LRGUK: variants seen among roughly 807,000 people sequenced by gnomAD.
LRGUK encodes leucine rich repeats and guanylate kinase domain containing.
LRGUK carries 65 observed loss-of-function variants against 76.0 expected under a neutral mutation model. That is an observed-to-expected ratio of 0.85 (90% CI 0.70 to 1.05). The LOEUF (loss-of-function observed/expected upper bound fraction) is 1.05, where lower values mean the gene tolerates loss of function less well. LRGUK is among the 50% of genes least tolerant of loss of function. The pLI, the probability that LRGUK is intolerant of heterozygous loss-of-function variation, is 0.00. For synonymous variants in LRGUK, 268 were observed against 265.6 expected, an observed-to-expected ratio of 1.01 and a Z score of -0.09; for missense variants, 758 against 732.8, an observed-to-expected ratio of 1.03 and a Z score of -0.40.
At chr7:134,129,917 C>T (rs942143603) in intron 1 of LRGUK, among the ~76,000 whole-genome samples, 10 of 152,212 alleles carry the variant, frequency 6.6e-5, no homozygotes, top group African/African-American at 2.2e-4. Flanking sequence ...AACTCCTTTC[C>T]TCATTTGTCT....
At chr7:134,220,593 C>A (rs1015967744) in intron 15 of LRGUK, among the ~76,000 whole-genome samples, 1 of 128,320 alleles carries the variant, frequency 7.8e-6, no homozygotes, top group Admixed American at 7.9e-5. Flanking sequence ...TTTTTTTTTT[C>A]TTTTGTCGTT....
At chr7:134,251,784 C>A (rs1802452923) in intron 18 of LRGUK, among the ~76,000 whole-genome samples, 1 of 152,158 alleles carries the variant, frequency 6.6e-6, no homozygotes, top group African/African-American at 2.4e-5. Context: ...ATAAATGCAT[C>A]TACTGCTATA....
chr7:134,217,951 T>G (rs891189344), intron 15 of LRGUK, among the ~76,000 whole-genome samples: 2 of 152,116 alleles, frequency 1.3e-5, no homozygotes, highest in African/African-American at 2.4e-5. Flanking sequence ...CTATATGGTT[T>G]TGTTGTTGCT....
At chr7:134,223,666 C>T (rs568030901) in intron 16 of LRGUK, among the ~76,000 whole-genome samples, 10 of 152,296 alleles carry the variant, frequency 6.6e-5, no homozygotes, top group African/African-American at 2.4e-4. Context: ...GGCCTCTAGC[C>T]TCATAACCAC....
At chr7:134,272,870 T>TATTC in the LRGUK span, among the ~76,000 whole-genome samples, 15 of 152,214 alleles carry the variant, frequency 9.9e-5, no homozygotes, top group Non-Finnish European at 1.9e-4. Context: ...GAATTAATCT[T>TATTC]ATTCTCAGTC....
intron 5 of LRGUK, among the ~76,000 whole-genome samples, chr7:134,151,077 A>G (rs1324401408): frequency 6.6e-6 from 1 of 152,200 alleles, no homozygotes; most frequent in South Asian, 2.1e-4. Flanking sequence ...CATGAAATAT[A>G]CTTCTTTCTC....
intron 19 of LRGUK, 79 bp downstream of exon 19, chr7:134,258,484 C>T (rs375162722): frequency 2.4e-4 from 333 of 1,370,720 alleles, no homozygotes; most frequent in Non-Finnish European, 3.1e-4. Context: ...GATCTCCTGA[C>T]GTCAGGAGTT....
chr7:134,270,060 A>G, the LRGUK span, among the ~76,000 whole-genome samples: 5 of 152,200 alleles, frequency 3.3e-5, no homozygotes, highest in African/African-American at 7.2e-5. Flanking sequence ...CTCATCACTC[A>G]TTTAACATAG....
chr7:134,257,337 AAGGTT>A lies in LRGUK; in HGVS notation c.2199-919_2199-915del, dbSNP rs1393670458. ...CACAGTGGTAGAAGTGCCTGTAAAC[AAGGTT>A]CAGCTGCTTGCCAGGGCTTTGCAGG... is the stretch of plus-strand genomic sequence containing the variant. On this transcript the variant is annotated intron_variant, in intron 18 of 19. Transcript: ENST00000285928. Among the ~76,000 whole-genome samples the A allele has an allele frequency of 2.0e-5, 3 of 152,180 alleles. No homozygotes were observed. In the East Asian group the frequency reaches 5.8e-4, roughly 29 times the overall value.
intron 15 of LRGUK, among the ~76,000 whole-genome samples, chr7:134,216,580 A>G (rs758713598): frequency 1.2e-4 from 18 of 152,220 alleles, no homozygotes; most frequent in Non-Finnish European, 2.5e-4. Flanking sequence ...TACATGCTCA[A>G]TAAATGCTAT....
At chr7:134,192,539 T>C (rs1015399186) in intron 12 of LRGUK, among the ~76,000 whole-genome samples, 11 of 152,236 alleles carry the variant, frequency 7.2e-5, no homozygotes, top group Non-Finnish European at 1.2e-4. Context: ...CTCTTGTCTT[T>C]GAATTCATTT....
At chr7:134,269,099 C>T (rs1802913894), downstream of LRGUK, among the ~76,000 whole-genome samples, 1 of 151,998 alleles carries the variant, frequency 6.6e-6, no homozygotes, top group African/African-American at 2.4e-5. Flanking sequence ...CAAATTCTAC[C>T]AGTTGTACAA....
intron 7 of LRGUK, among the ~76,000 whole-genome samples, chr7:134,168,717 A>G (rs1357771350): frequency 6.6e-6 from 1 of 152,074 alleles, no homozygotes; most frequent in Non-Finnish European, 1.5e-5. Flanking sequence ...GTGGCTGAGG[A>G]TGACTCCCGG....
At chr7:134,225,674 C>T (rs1801724873) in intron 16 of LRGUK, among the ~76,000 whole-genome samples, 1 of 152,124 alleles carries the variant, frequency 6.6e-6, no homozygotes, top group Non-Finnish European at 1.5e-5. Context: ...GTGAATTCAC[C>T]TAAGATTATG....
At position 134,180,288 on chromosome 7, in the gene LRGUK, C is replaced by T. The variant is rs1799682601; in HGVS notation, c.1214+1679C>T. Among the ~76,000 whole-genome samples, 5 of 80,048 alleles carry T rather than the reference C, an allele frequency of 6.2e-5. No individual in the cohort carries two copies. The South Asian group carries it at 2.4e-3, about 39-fold the overall frequency. The allele number at this position is 80,048 out of a possible 152,430, so 52.5% of individuals were successfully genotyped here. A position where few individuals can be genotyped will look rare whatever the true frequency, so the allele number is the denominator to read the frequency against. ...AATGTAACTCTTTTCATCAATTCCT[C>T]TGTCCATCCATCCATCCATCCATCC... On this transcript the variant is annotated intron_variant, in intron 10 of 15. Transcript: ENST00000645682.
At chr7:134,234,767 C>T (rs985406869) in intron 16 of LRGUK, among the ~76,000 whole-genome samples, 1 of 151,720 alleles carries the variant, frequency 6.6e-6, no homozygotes, top group Non-Finnish European at 1.5e-5. Flanking sequence ...CCCTTCCCTT[C>T]TCTCCTTTTT....
At chr7:134,214,585 A>G (rs1801383296), downstream of LRGUK, among the ~76,000 whole-genome samples, 1 of 152,194 alleles carries the variant, frequency 6.6e-6, no homozygotes, top group African/African-American at 2.4e-5. Context: ...ATATTTAATT[A>G]GAGGAAACTA....
intron 10 of LRGUK, among the ~76,000 whole-genome samples, chr7:134,180,130 G>C (rs1478661677): frequency 6.6e-6 from 1 of 152,152 alleles, no homozygotes; most frequent in Non-Finnish European, 1.5e-5. Flanking sequence ...CCCAAATCTG[G>C]AATCAGCCTT....
At chr7:134,247,674 A>G (rs1239294406) in intron 17 of LRGUK, 30 bp downstream of exon 17, 1 of 1,517,790 alleles carries the variant, frequency 6.6e-7, no homozygotes, top group African/African-American at 1.4e-5. Context: ...GCAACTTTAG[A>G]TTGATTTCCT....
Sources: allele counts gnomAD v4.1 joint callset (sites outside exome capture counted in the v4.1 genomes callset), GRCh38; gene constraint gnomAD v4.1.1; transcripts MANE v1.5; gene names NCBI Gene and HGNC (gene_info 2026-07-23, HGNC 2026-07-21).